NFKB1: variants seen among roughly 807,000 people sequenced by gnomAD.
The protein encoded by NFKB1 is nuclear factor kappa B subunit 1, also known as nuclear factor NF-kappa-B p105 subunit.
Under a neutral mutation model 105.1 loss-of-function variants are expected in NFKB1, and 9 were observed. The observed-to-expected ratio is 0.09, with a 90% CI of 0.05 to 0.15. The LOEUF (loss-of-function observed/expected upper bound fraction) is 0.15, where lower values mean the gene tolerates loss of function less well. Ranked by LOEUF, NFKB1 falls within the 10% of genes least tolerant of loss-of-function variation. The probability of loss-of-function intolerance (pLI) is 1.00; values close to 1 mark genes in which losing one functional copy is unlikely to be tolerated. For missense variants in NFKB1, 830 were observed against 1,203.7 expected, an observed-to-expected ratio of 0.69 and a Z score of 4.59; for synonymous variants, 440 against 442.2, an observed-to-expected ratio of 1.00 and a Z score of 0.06.
chr4:102,547,522 G>A (rs1722232432), intron 5 of NFKB1, among the ~76,000 whole-genome samples: 1 of 152,184 alleles, frequency 6.6e-6, no homozygotes, highest in Non-Finnish European at 1.5e-5. Flanking sequence ...GCGACTTGCA[G>A]TGTTACTTAA....
chr4:102,520,626 A>T (rs1740510896), intron 1 of NFKB1, among the ~76,000 whole-genome samples: 1 of 152,220 alleles, frequency 6.6e-6, no homozygotes, highest in South Asian at 2.1e-4. Flanking sequence ...ATACAAATCT[A>T]AATGTTGTAG....
chr4:102,537,419 C>T (rs1741712686), intron 4 of NFKB1, among the ~76,000 whole-genome samples: 2 of 152,166 alleles, frequency 1.3e-5, no homozygotes, highest in South Asian at 4.1e-4. Context: ...GCTGAACCAG[C>T]TGTAATCAGA....
Position 102,501,359 on chromosome 4 carries a change from G to C in NFKB1, c.-437G>C, listed in dbSNP as rs1199849238. 2.6e-5 allele frequency: 4 copies of C among 151,702 alleles called. No homozygotes were observed. Among genetic ancestry groups the C allele is most frequent in the Admixed American group, 2.6e-4 (4 of 15,222 alleles). 9.4% of individuals were successfully genotyped at this position (151,702 alleles called of 1,614,324 possible). ...AGAGTGAGCGAGACAGAAAGAGAGA[G>C]AAGTGCACCAGCGAGCCGGGGCAGG... On this transcript the variant is annotated 5_prime_UTR_variant, in exon 1 of 24. Coordinates refer to ENST00000226574, the MANE Select transcript of NFKB1 (RefSeq NM_003998.4).
intron 5 of NFKB1, chr4:102,557,163 C>T (rs542839611): frequency 1.5e-4 from 23 of 152,252 alleles, no homozygotes; most frequent in African/African-American, 5.3e-4. Flanking sequence ...TCTACCTTCT[C>T]ATTAAAGTCA....
In NFKB1 at chr4:102,522,966, G is replaced by A. The variant is rs920637655; in HGVS notation, c.-7-2546G>A. ...ACTATAGATATATACTCATAAATAC[G>A]TGTAAAAATCCAAGTTTACCAAAAA... On this transcript the variant is annotated intron_variant, in intron 1 of 23. Transcript: ENST00000226574. 7.9e-5 allele frequency among the ~76,000 whole-genome samples: 12 copies of A among 152,210 alleles called. 1 individual carries two copies. The highest frequency in any genetic ancestry group is 2.1e-4 in the South Asian group (1 of 4,818).
Position 102,584,843 on chromosome 4 carries a change from T to C in NFKB1, c.1066+23T>C, listed in dbSNP as rs549311456. 104 of 1,570,810 alleles carry C rather than the reference T, an allele frequency of 6.6e-5. No individual in the cohort carries two copies. The South Asian group carries it at 1.1e-3, about 17-fold the overall frequency. Reference sequence around the variant, plus strand: ...AAGGTAAGTCAGTTGTTTAAAATCTTATGCTCATATTTTATTTTATTTTAT... The same window carrying C: ...AAGGTAAGTCAGTTGTTTAAAATCTCATGCTCATATTTTATTTTATTTTAT... On this transcript the variant is annotated intron_variant, in intron 11 of 23. Coordinates refer to ENST00000226574, the MANE Select transcript of NFKB1 (RefSeq NM_003998.4).
intron 6 of NFKB1, among the ~76,000 whole-genome samples, chr4:102,568,456 G>A (rs1235491978): frequency 1.3e-5 from 2 of 152,078 alleles, no homozygotes; most frequent in Non-Finnish European, 1.5e-5. Flanking sequence ...ATTCCTGATT[G>A]ACCTAGGAGA....
At chr4:102,570,064 G>C (rs1724199887) in intron 6 of NFKB1, among the ~76,000 whole-genome samples, 1 of 151,986 alleles carries the variant, frequency 6.6e-6, no homozygotes, top group Admixed American at 6.6e-5. Flanking sequence ...TGTGTTCCTT[G>C]ACTTTGCTTT....
At chr4:102,516,214 C>G (rs1048240958) in intron 1 of NFKB1, among the ~76,000 whole-genome samples, 1 of 151,732 alleles carries the variant, frequency 6.6e-6, no homozygotes, top group Non-Finnish European at 1.5e-5. Flanking sequence ...AACAGTTTGG[C>G]TGTAATATGC....
intron 9 of NFKB1, 45 bp from the exon 10 acceptor site, chr4:102,582,821 A>C: frequency 1.6e-6 from 2 of 1,272,580 alleles, no homozygotes; most frequent in South Asian, 1.2e-5. Flanking sequence ...TATAAATACT[A>C]TTTACACTAT....
chr4:102,515,901 C>T (rs981994545), intron 1 of NFKB1, among the ~76,000 whole-genome samples: 1 of 152,140 alleles, frequency 6.6e-6, no homozygotes, highest in African/African-American at 2.4e-5. Context: ...GCATGAAGAA[C>T]TTCTTTTTAG....
intron 2 of NFKB1, 77 bp from the exon 3 acceptor site, chr4:102,529,759 T>C: frequency 5.0e-6 from 5 of 1,003,210 alleles, no homozygotes; most frequent in Non-Finnish European, 7.5e-6. Flanking sequence ...TATTACATTT[T>C]AGGTGTCCCA....
intron 1 of NFKB1, chr4:102,510,964 A>G: frequency 7.8e-7 from 1 of 1,282,390 alleles, no homozygotes; most frequent in South Asian, 1.2e-5. Context: ...ACTAAAAAGA[A>G]AAAGAGTGTT....
chr4:102,569,173 A>G (rs553808489), intron 6 of NFKB1, among the ~76,000 whole-genome samples: 13 of 152,204 alleles, frequency 8.5e-5, no homozygotes, highest in South Asian at 4.1e-4. Context: ...AAGATTTTCA[A>G]TGTCAAAACT....
intron 18 of NFKB1, 75 bp from the exon 19 acceptor site, chr4:102,607,574 A>G: frequency 4.8e-6 from 7 of 1,444,680 alleles, no homozygotes; most frequent in Non-Finnish European, 5.8e-6. Context: ...CCAAGGAGCC[A>G]TGCACACTGG....
In NFKB1 at chr4:102,575,586, G is replaced by A. The variant is rs138615237; in HGVS notation, c.408-1290G>A. 1.7e-4 allele frequency among the ~76,000 whole-genome samples: 26 copies of A among 152,162 alleles called. No individual in the cohort carries two copies. The East Asian group carries it at 3.9e-3, about 23-fold the overall frequency. Reference sequence around the variant, plus strand: ...GCCTTTGTTGTGTTTTGAAAACACCGGCGTGGTCCTACCGCAGGAATTTTG... The same window carrying A: ...GCCTTTGTTGTGTTTTGAAAACACCAGCGTGGTCCTACCGCAGGAATTTTG... On this transcript the variant is annotated intron_variant, in intron 6 of 23. Transcript: ENST00000226574.
At chr4:102,502,871 C>G (rs1016172903) in intron 1 of NFKB1, among the ~76,000 whole-genome samples, 2 of 152,084 alleles carry the variant, frequency 1.3e-5, no homozygotes, top group African/African-American at 4.8e-5. Flanking sequence ...TTTAATAGCT[C>G]TGGCATCAAA....
chr4:102,567,193 G>A, intron 6 of NFKB1, 58 bp downstream of exon 6: 2 of 1,570,424 alleles, frequency 1.3e-6, no homozygotes, highest in Non-Finnish European at 1.7e-6. Flanking sequence ...TGGGATGCAG[G>A]AACTTAGAAT....
intron 20 of NFKB1, 86 bp from the exon 21 acceptor site, chr4:102,611,958 A>G: frequency 9.6e-7 from 1 of 1,046,174 alleles, no homozygotes; most frequent in Middle Eastern, 2.0e-4. Context: ...TAAGGAGGAC[A>G]TGCTGAGTTG....
Sources: allele counts gnomAD v4.1 joint callset (sites outside exome capture counted in the v4.1 genomes callset), GRCh38; gene constraint gnomAD v4.1.1; transcripts MANE v1.5; gene names NCBI Gene and HGNC (gene_info 2026-07-23, HGNC 2026-07-21).